The following XKR6 variants were observed in gnomAD, a reference collection of about 807,000 sequenced individuals.
XKR6 encodes the protein XK-related protein 6.
In XKR6, 22 loss-of-function variants were observed where a neutral mutation model predicts 56.7. The ratio of observed to expected loss-of-function variants is 0.39; its 90% confidence interval spans 0.28 to 0.55. XKR6 has a LOEUF of 0.55. Ranked by LOEUF, XKR6 falls within the 20% of genes least tolerant of loss-of-function variation. The probability of loss-of-function intolerance (pLI) is 0.66; values close to 1 mark genes in which losing one functional copy is unlikely to be tolerated. For missense variants in XKR6, 852 were observed against 889.0 expected, an observed-to-expected ratio of 0.96 and a Z score of 0.53; for synonymous variants, 524 against 387.8, an observed-to-expected ratio of 1.35 and a Z score of -4.13.
chr8:10,915,962 A>T (rs1428946895), intron 2 of XKR6, among the ~76,000 whole-genome samples: 25 of 152,254 alleles, frequency 1.6e-4, no homozygotes, highest in Admixed American at 1.6e-3. Context: ...GCTCGAGGCC[A>T]AGGCACTGCA....
chr8:11,129,067 A>G (rs1209709979), intron 1 of XKR6: 1 of 425,382 alleles, frequency 2.4e-6, no homozygotes, highest in East Asian at 7.1e-5. Context: ...TCAATGACTC[A>G]GATGCATCCA....
At chr8:11,059,510 G>C (rs764455305) in intron 1 of XKR6, among the ~76,000 whole-genome samples, 37 of 151,944 alleles carry the variant, frequency 2.4e-4, no homozygotes, top group Non-Finnish European at 5.0e-4. Flanking sequence ...TGCTGCGCGG[G>C]CGGCGCCGCT....
intron 1 of XKR6, among the ~76,000 whole-genome samples, chr8:11,030,538 C>T (rs933250295): frequency 2.0e-5 from 3 of 152,152 alleles, no homozygotes; most frequent in African/African-American, 7.2e-5. Flanking sequence ...CAGTCTCCCT[C>T]TTGAGAAATC....
intron 1 of XKR6, among the ~76,000 whole-genome samples, chr8:10,963,304 C>T (rs926129584): frequency 3.9e-5 from 6 of 152,212 alleles, no homozygotes; most frequent in African/African-American, 1.2e-4. Flanking sequence ...AGTGTGTCAG[C>T]GAGGCCTTTC....
At chr8:11,098,253 CGCATGCACACACACAT>C (rs1169812186) in intron 1 of XKR6, among the ~76,000 whole-genome samples, 1 of 151,986 alleles carries the variant, frequency 6.6e-6, no homozygotes, top group Non-Finnish European at 1.5e-5. Context: ...CACACACACA[CGCATGCACACACACAT>C]GCACGACACA....
chr8:10,983,940 C>A (rs1409646907), intron 1 of XKR6, among the ~76,000 whole-genome samples: 2 of 152,150 alleles, frequency 1.3e-5, no homozygotes, highest in African/African-American at 2.4e-5. Context: ...CAGGTGTGAG[C>A]CACTGCGCCC....
intron 1 of XKR6, among the ~76,000 whole-genome samples, chr8:10,979,571 A>C (rs1412249782): frequency 6.6e-6 from 1 of 152,202 alleles, no homozygotes; most frequent in Non-Finnish European, 1.5e-5. Context: ...ACAGTTGGTC[A>C]AGCCACTTCA....
chr8:11,053,702 G>C (rs1030179920), intron 1 of XKR6, among the ~76,000 whole-genome samples: 1 of 152,188 alleles, frequency 6.6e-6, no homozygotes, highest in Non-Finnish European at 1.5e-5. Flanking sequence ...CTCTGTTCCT[G>C]AGAATTCCCA....
At chr8:11,110,660 T>C (rs1798853129) in intron 1 of XKR6, among the ~76,000 whole-genome samples, 1 of 152,204 alleles carries the variant, frequency 6.6e-6, no homozygotes, top group Non-Finnish European at 1.5e-5. Flanking sequence ...AGAATGCTTC[T>C]CAAGTTTCTT....
At chr8:11,156,857 A>G (rs932507249) in intron 1 of XKR6, among the ~76,000 whole-genome samples, 1 of 152,086 alleles carries the variant, frequency 6.6e-6, no homozygotes, top group African/African-American at 2.4e-5. Context: ...ATACACACAC[A>G]CACAGAGTCC....
At chr8:10,912,907 G>C (rs937396117) in intron 2 of XKR6, among the ~76,000 whole-genome samples, 1 of 150,744 alleles carries the variant, frequency 6.6e-6, no homozygotes, top group South Asian at 2.1e-4. Flanking sequence ...TATAAAGAGA[G>C]GGCGAGTATA....
At chr8:10,925,564 G>A (rs7837038) in intron 1 of XKR6, among the ~76,000 whole-genome samples, 75,263 of 152,016 alleles carry the variant, frequency 0.5, 20,280 homozygotes, top group African/African-American at 0.67. Flanking sequence ...GACCACTCCC[G>A]GGCTCTGTGT....
chr8:10,918,316 T>C (rs549342247), intron 2 of XKR6, among the ~76,000 whole-genome samples: 13 of 152,226 alleles, frequency 8.5e-5, no homozygotes, highest in Non-Finnish European at 1.6e-4. Context: ...TAAGAGGCTC[T>C]GGAAGACTCA....
chr8:11,168,478 G>C (rs899414951), intron 1 of XKR6, among the ~76,000 whole-genome samples: 1 of 152,072 alleles, frequency 6.6e-6, no homozygotes, highest in African/African-American at 2.4e-5. Flanking sequence ...TTCAATAACA[G>C]ATAGAAGAAC....
At chr8:11,062,629 A>G (rs1349374062) in intron 1 of XKR6, 2 of 393,692 alleles carry the variant, frequency 5.1e-6, no homozygotes, top group Non-Finnish European at 1.0e-5. Context: ...TAGATCTTTT[A>G]AAAGCAAAGA....
At chr8:10,911,061 C>T (rs1407195196) in intron 2 of XKR6, among the ~76,000 whole-genome samples, 8 of 152,108 alleles carry the variant, frequency 5.3e-5, no homozygotes, top group East Asian at 3.9e-4. Context: ...ACACAGGTTC[C>T]GTACAAACAG....
chr8:11,036,379 T>C (rs532156066), intron 1 of XKR6, among the ~76,000 whole-genome samples: 27 of 152,336 alleles, frequency 1.8e-4, no homozygotes, highest in African/African-American at 6.3e-4. Context: ...TGTGCCCCTA[T>C]TTAAAGTAAG....
intron 1 of XKR6, among the ~76,000 whole-genome samples, chr8:11,178,856 G>A (rs1010469091): frequency 6.6e-6 from 1 of 150,736 alleles, no homozygotes; most frequent in Admixed American, 6.6e-5. Context: ...TTTTTTTAGA[G>A]ACAGGGTCTC....
chr8:11,171,489 G>A (rs528131393), intron 1 of XKR6, among the ~76,000 whole-genome samples: 1 of 152,324 alleles, frequency 6.6e-6, no homozygotes, highest in African/African-American at 2.4e-5. Context: ...CATGGGGGCA[G>A]ATGCCTCATG....
Sources: allele counts gnomAD v4.1 joint callset (sites outside exome capture counted in the v4.1 genomes callset), GRCh38; gene constraint gnomAD v4.1.1; transcripts MANE v1.5; gene names NCBI Gene and HGNC (gene_info 2026-07-23, HGNC 2026-07-21).